The following MRTFA variants were observed in gnomAD, a reference collection of about 807,000 sequenced individuals.
MRTFA encodes myocardin related transcription factor A.
A neutral mutation model predicts 83.5 loss-of-function variants in MRTFA; 20 were observed. That is an observed-to-expected ratio of 0.24 (90% CI 0.17 to 0.35). The LOEUF (loss-of-function observed/expected upper bound fraction) is 0.35, where lower values mean the gene tolerates loss of function less well. Among genes scored for constraint, MRTFA ranks in the 10% least tolerant of loss-of-function variants. MRTFA has a pLI of 1.00. For synonymous variants in MRTFA, 659 were observed against 541.2 expected (o/e 1.22, Z -3.02); for missense variants, 1,200 against 1,224.7 (o/e 0.98, Z 0.30).
intron 3 of MRTFA, among the ~76,000 whole-genome samples, chr22:40,472,491 T>A (rs2053931684): frequency 1.3e-5 from 2 of 152,240 alleles, no homozygotes; most frequent in Admixed American, 6.5e-5. Context: ...TAAGTTAAAA[T>A]TTTTTGACAA....
Position 40,416,105 on chromosome 22 carries a change from C to A in MRTFA, c.2578+881G>T, listed in dbSNP as rs2052673543. On this transcript the variant is annotated intron_variant, in intron 14 of 14. Transcript: ENST00000355630. This position sits in a 1 kb window ranked among gnomAD's most constrained non-coding sequence, Gnocchi z 4.2. ...TCGTGACACACCCCATCAGGGACCG[C>A]GCAATGTGGTCCCACACGTGCCCCC... Among the ~76,000 whole-genome samples, 1 of 152,222 alleles carries A rather than the reference C, an allele frequency of 6.6e-6. No homozygotes were observed. The highest frequency in any genetic ancestry group is 2.4e-5 in the African/African-American group (1 of 41,460).
At chr22:40,578,613 T>A (rs569187916) in intron 2 of MRTFA, among the ~76,000 whole-genome samples, 2 of 151,454 alleles carry the variant, frequency 1.3e-5, no homozygotes, top group East Asian at 3.9e-4. Context: ...TCTCTCAAAA[T>A]TTTTTTTTAG....
In MRTFA at chr22:40,411,314, C is replaced by T. The variant is rs532839657; in HGVS notation, c.*76G>A. The T allele has an allele frequency of 1.9e-5, 28 of 1,448,414 alleles. No individual in the cohort carries two copies. Among genetic ancestry groups the T allele is most frequent in the Admixed American group, 6.8e-5 (3 of 43,992 alleles). The allele number at this position is 1,448,414 out of a possible 1,614,324, so 89.7% of individuals were successfully genotyped here. ...AAGACTCACAACCATGTGGAGAGGC[C>T]GAATCACGCAGGAGAGCCACGCATT... On this transcript the variant is annotated 3_prime_UTR_variant, in exon 15 of 15. Coordinates refer to ENST00000355630, the MANE Select transcript of MRTFA (RefSeq NM_020831.6).
In MRTFA at chr22:40,419,116, A is replaced by C. The variant is rs200792263; in HGVS notation, c.1622T>G (p.Val541Gly). 1,967 of 1,590,812 alleles carry C rather than the reference A, an allele frequency of 1.2e-3. 27 individuals carry two copies. In the South Asian group the frequency reaches 0.015, roughly 12 times the overall value. ...GGAGCCCGTGCTGCCAAACTTCACC[A>C]CCCCACTGCTGGCCACCGTGGCCAC... is the stretch of plus-strand genomic sequence containing the variant. Residue 541 changes from valine (V) to glycine (G), a missense_variant, in exon 12 of 15, where the codon GTG (valine) becomes GGG (glycine). Transcript: ENST00000355630.
chr22:40,581,936 A>G (rs133030), intron 2 of MRTFA, among the ~76,000 whole-genome samples: 17,852 of 152,258 alleles, frequency 0.12, 1,457 homozygotes, highest in South Asian at 0.29. Context: ...TTCACATACT[A>G]TAAAATTCGC....
rs201233806 is a variant in MRTFA at position 40,419,290 on chromosome 22, T to C, written c.1448A>G (p.Gln483Arg). Residue 483 changes from glutamine to arginine, a missense_variant, in exon 12 of 15, where the codon CAA becomes CGA. Gln to Arg is a conservative substitution (Grantham distance 43, BLOSUM62 1). Coordinates refer to ENST00000355630, the MANE Select transcript of MRTFA (RefSeq NM_020831.6). ...GGGGGCTCCTGGCACAGGGCTGATTTGGTCTTGATAGGCTCGAAGGCGCTC... is the reference window on the plus strand; with the variant it reads ...GGGGGCTCCTGGCACAGGGCTGATTCGGTCTTGATAGGCTCGAAGGCGCTC... The C allele has an allele frequency of 4.3e-6, 7 of 1,613,914 alleles. No individual in the cohort carries two copies. In the East Asian group the frequency reaches 1.1e-4, roughly 26 times the overall value.
intron 2 of MRTFA, among the ~76,000 whole-genome samples, chr22:40,558,219 A>T (rs1167086658): frequency 7.4e-6 from 1 of 135,858 alleles, no homozygotes; most frequent in African/African-American, 2.8e-5. Context: ...ACAAGTAGCT[A>T]GGACTACAGG....
intron 2 of MRTFA, among the ~76,000 whole-genome samples, chr22:40,553,991 T>C (rs927177475): frequency 6.6e-6 from 1 of 152,216 alleles, no homozygotes; most frequent in Non-Finnish European, 1.5e-5. Context: ...TTCAGAGCCT[T>C]AAGATCTGAC....
intron 2 of MRTFA, among the ~76,000 whole-genome samples, chr22:40,552,902 G>C (rs909901755): frequency 6.6e-6 from 1 of 152,260 alleles, no homozygotes; most frequent in Admixed American, 6.5e-5. Flanking sequence ...GGAAACTGTG[G>C]TAAAGTTTGG....
At chr22:40,554,629 C>A (rs766544992) in intron 2 of MRTFA, among the ~76,000 whole-genome samples, 2 of 152,176 alleles carry the variant, frequency 1.3e-5, no homozygotes, top group Non-Finnish European at 2.9e-5. Flanking sequence ...TATAAACTAC[C>A]CAATCTTGGG....
Position 40,418,452 on chromosome 22 carries a change from G to C in MRTFA, c.2286C>G (p.Ser762=). ...CGGTGAGGACAAGGTGGGTCCCTGT[G>C]GAGTCGGTGATGAGGGTGGGAGGTG... The change falls in exon 12 of 15, where the codon TCC becomes TCG. Residue 762 remains serine, a synonymous_variant. Coordinates refer to ENST00000355630, the MANE Select transcript of MRTFA (RefSeq NM_020831.6). 3 of 1,614,014 alleles carry C rather than the reference G, an allele frequency of 1.9e-6. No individual in the cohort carries two copies. The highest frequency in any genetic ancestry group is 2.5e-6 in the Non-Finnish European group (3 of 1,179,936).
At chr22:40,507,184 A>G (rs1455798891) in intron 3 of MRTFA, among the ~76,000 whole-genome samples, 2 of 151,990 alleles carry the variant, frequency 1.3e-5, no homozygotes, top group Non-Finnish European at 2.9e-5. Flanking sequence ...ACAAGGCAAA[A>G]CCCCATCTCT....
intron 1 of MRTFA, among the ~76,000 whole-genome samples, chr22:40,602,209 G>C (rs2056267947): frequency 6.6e-6 from 1 of 152,142 alleles, no homozygotes; most frequent in African/African-American, 2.4e-5. Context: ...CTCAGCATTG[G>C]AAAGTGATCA....
chr22:40,542,392 C>T (rs980156213), intron 3 of MRTFA, among the ~76,000 whole-genome samples: 1 of 152,036 alleles, frequency 6.6e-6, no homozygotes, highest in Non-Finnish European at 1.5e-5. Context: ...AAGCAATTAC[C>T]AAAGTTTGTA....
intron 4 of MRTFA, among the ~76,000 whole-genome samples, chr22:40,445,796 C>T (rs565381294): frequency 1.4e-4 from 21 of 152,328 alleles, no homozygotes; most frequent in Admixed American, 1.2e-3. Flanking sequence ...GATCCACCTG[C>T]CTTGGCCTCC....
At chr22:40,513,695 G>C (rs905384487) in intron 3 of MRTFA, among the ~76,000 whole-genome samples, 2 of 149,506 alleles carry the variant, frequency 1.3e-5, no homozygotes, top group African/African-American at 4.9e-5. Context: ...ATGCCACAAT[G>C]ATCTCCAAAT....
At chr22:40,458,876 G>A (rs770053264) in intron 4 of MRTFA, among the ~76,000 whole-genome samples, 2 of 151,950 alleles carry the variant, frequency 1.3e-5, no homozygotes, top group Non-Finnish European at 2.9e-5. Flanking sequence ...TCAGGAGTTC[G>A]AGACCACCCT....
intron 3 of MRTFA, among the ~76,000 whole-genome samples, chr22:40,500,200 A>AT (rs960668885): frequency 6.7e-6 from 1 of 149,260 alleles, no homozygotes; most frequent in African/African-American, 2.4e-5. Context: ...AAGTGCTGGG[A>AT]TTACAGGCAT....
chr22:40,426,079 T>C (rs2052947133), intron 7 of MRTFA, among the ~76,000 whole-genome samples: 1 of 152,082 alleles, frequency 6.6e-6, no homozygotes, highest in South Asian at 2.1e-4. Flanking sequence ...ACCTTGACGA[T>C]AACTGAGGGG....
Sources: gnomAD v4.1 joint callset for allele counts (sites outside exome capture counted in the v4.1 genomes callset) on GRCh38, gnomAD v4.1.1 for gene constraint, Gnocchi (gnomAD v3.1) non-coding constraint, MANE v1.5 for transcripts, NCBI Gene and HGNC (gene_info 2026-07-23, HGNC 2026-07-21) for gene names.